TBC1D12: variants seen among roughly 807,000 people sequenced by gnomAD.
TBC1D12 encodes TBC1 domain family member 12.
In TBC1D12, 56 loss-of-function variants were observed where a neutral mutation model predicts 86.7. That is an observed-to-expected ratio of 0.65 (90% CI 0.52 to 0.81). The LOEUF is 0.81. Ranked by LOEUF, TBC1D12 falls within the 30% of genes least tolerant of loss-of-function variation. The pLI is 0.00. For missense variants in TBC1D12, 1,023 were observed against 1,038.8 expected, an observed-to-expected ratio of 0.98 and a Z score of 0.21; for synonymous variants, 421 against 411.7, an observed-to-expected ratio of 1.02 and a Z score of -0.27.
chr10:94,465,721 T>G (rs2055800695), intron 2 of TBC1D12, among the ~76,000 whole-genome samples: 1 of 150,026 alleles, frequency 6.7e-6, no homozygotes, highest in African/African-American at 2.4e-5. Context: ...TACGTATACA[T>G]ACATACATAC....
intron 9 of TBC1D12, among the ~76,000 whole-genome samples, chr10:94,514,403 G>A (rs571365488): frequency 6.6e-6 from 1 of 152,200 alleles, no homozygotes; most frequent in South Asian, 2.1e-4. Context: ...GGAGCTTTTT[G>A]TACTCTTTGA....
chr10:94,510,284 A>G, intron 8 of TBC1D12, 105 bp downstream of exon 8: 2 of 703,368 alleles, frequency 2.8e-6, no homozygotes, highest in Admixed American at 3.5e-5. Context: ...AGGCAAAACT[A>G]TAGAAATTGG....
rs1038544828 is a variant in TBC1D12 at position 94,403,155 on chromosome 10, A to G, written c.542A>G (p.Asp181Gly). The G allele has an allele frequency of 1.2e-5, 17 of 1,437,466 alleles. No homozygotes were observed. In the Middle Eastern group the frequency reaches 7.0e-4, roughly 59 times the overall value. The allele number at this position is 1,437,466 out of a possible 1,614,324, so 89.0% of individuals were successfully genotyped here. A position where few individuals can be genotyped will look rare whatever the true frequency, so the allele number is the denominator to read the frequency against. ...CGCCTGGAGGGGCCTGGCGACGAGG[A>G]CGCGGACGGCGCGGGAAGCCCGTCC... Reference protein sequence around the residue: ...RLRLEGPGDEDADGAGSPSDW... With the variant: ...RLRLEGPGDEGADGAGSPSDW... The change falls in exon 1 of 13, where the codon GAC (aspartate) becomes GGC (glycine). Residue 181 changes from aspartate to glycine, a missense_variant. By Grantham distance (94) the Asp-to-Gly change is moderately conservative. Transcript: ENST00000225235.
intron 1 of TBC1D12, among the ~76,000 whole-genome samples, chr10:94,405,206 C>G (rs74153322): frequency 6.6e-6 from 1 of 151,772 alleles, no homozygotes; most frequent in African/African-American, 2.4e-5. Context: ...GTTTTTCTAC[C>G]TTTTCGGGGA....
intron 12 of TBC1D12, among the ~76,000 whole-genome samples, chr10:94,532,200 C>T (rs529214330): frequency 2.2e-5 from 3 of 138,700 alleles, no homozygotes; most frequent in Non-Finnish European, 3.2e-5. Context: ...TATTTTGAGA[C>T]GGAGTCTCAC....
intron 1 of TBC1D12, among the ~76,000 whole-genome samples, chr10:94,437,606 G>A (rs1014481776): frequency 1.3e-5 from 2 of 152,022 alleles, no homozygotes; most frequent in Non-Finnish European, 2.9e-5. Flanking sequence ...ATTTCTTCAC[G>A]TATTTTTTCT....
At chr10:94,447,663 A>G (rs2055489346) in intron 2 of TBC1D12, 3 of 985,100 alleles carry the variant, frequency 3.0e-6, no homozygotes, top group Non-Finnish European at 3.6e-6. Flanking sequence ...GGCCTTTTGA[A>G]CCAGTTGGTG....
chr10:94,505,528 A>G (rs1193593001), intron 6 of TBC1D12, among the ~76,000 whole-genome samples: 1 of 152,204 alleles, frequency 6.6e-6, no homozygotes, highest in African/African-American at 2.4e-5. Context: ...AGCTGAGGTC[A>G]CACCACTGCA....
chr10:94,457,698 T>G (rs1460017242), intron 2 of TBC1D12, among the ~76,000 whole-genome samples: 1 of 152,238 alleles, frequency 6.6e-6, no homozygotes, highest in East Asian at 1.9e-4. Flanking sequence ...ATAATTTGTT[T>G]CCAGTTTTGT....
intron 3 of TBC1D12, among the ~76,000 whole-genome samples, chr10:94,480,490 G>T (rs925980939): frequency 2.0e-5 from 3 of 151,970 alleles, no homozygotes; most frequent in Non-Finnish European, 4.4e-5. Context: ...ATAGGTGTGT[G>T]CAAGTCATAC....
intron 2 of TBC1D12, among the ~76,000 whole-genome samples, chr10:94,465,668 A>G (rs576740266): frequency 1.0e-3 from 86 of 83,622 alleles, no homozygotes; most frequent in African/African-American, 2.7e-3. Context: ...ATATATATAT[A>G]TATGTGTGTG....
intron 2 of TBC1D12, among the ~76,000 whole-genome samples, chr10:94,461,213 G>A (rs962686890): frequency 2.0e-5 from 3 of 152,184 alleles, no homozygotes; most frequent in Non-Finnish European, 4.4e-5. Flanking sequence ...TAAGGTGTGG[G>A]AAAAGGGGAA....
chr10:94,471,466 T>G (rs2055905068), intron 2 of TBC1D12, among the ~76,000 whole-genome samples: 1 of 152,192 alleles, frequency 6.6e-6, no homozygotes, highest in South Asian at 2.1e-4. Context: ...AGTCCAAATA[T>G]TTTAGCCAGT....
At chr10:94,428,219 G>T (rs1444093667) in intron 1 of TBC1D12, among the ~76,000 whole-genome samples, 1 of 151,890 alleles carries the variant, frequency 6.6e-6, no homozygotes, top group African/African-American at 2.4e-5. Context: ...GGAAGTGGTA[G>T]GTTGGTGTAT....
At chr10:94,486,111 G>A (rs1254660923) in intron 3 of TBC1D12, among the ~76,000 whole-genome samples, 2 of 137,934 alleles carry the variant, frequency 1.4e-5, no homozygotes, top group Non-Finnish European at 3.2e-5. Context: ...ATTTATTTGT[G>A]CTCTTTTTCT....
At chr10:94,512,673 A>T (rs1261641476) in intron 9 of TBC1D12, among the ~76,000 whole-genome samples, 1 of 152,234 alleles carries the variant, frequency 6.6e-6, no homozygotes, top group African/African-American at 2.4e-5. Context: ...TAAGTGCTGT[A>T]GAAAAGTGTG....
intron 12 of TBC1D12, among the ~76,000 whole-genome samples, chr10:94,531,862 A>ATGTTATTTTATTTTT (rs760350753): frequency 2.4e-5 from 2 of 83,282 alleles, no homozygotes; most frequent in Non-Finnish European, 5.0e-5. Flanking sequence ...ATTTTATTTT[A>ATGTTATTTTATTTTT]TATGTTATGT....
chr10:94,532,693 T>C (rs1179099107), intron 12 of TBC1D12, among the ~76,000 whole-genome samples: 1 of 152,188 alleles, frequency 6.6e-6, no homozygotes, highest in Admixed American at 6.5e-5. Flanking sequence ...AGTAAAAGCA[T>C]TGGCAATCTA....
intron 1 of TBC1D12, among the ~76,000 whole-genome samples, chr10:94,426,013 C>G (rs1001846869): frequency 1.6e-4 from 24 of 152,204 alleles, no homozygotes; most frequent in South Asian, 4.1e-4. Flanking sequence ...TGTGTGCTTG[C>G]CTTTTATCTT....
Sources: gnomAD v4.1 joint callset for allele counts (sites outside exome capture counted in the v4.1 genomes callset) on GRCh38, gnomAD v4.1.1 for gene constraint, MANE v1.5 for transcripts, NCBI Gene and HGNC (gene_info 2026-07-23, HGNC 2026-07-21) for gene names.